Variants in GRIP1 observed in about 807,000 individuals in gnomAD.
GRIP1 encodes glutamate receptor interacting protein 1, also known as glutamate receptor-interacting protein 1.
GRIP1 carries 45 observed loss-of-function variants against 129.9 expected under a neutral mutation model. That is an observed-to-expected ratio of 0.35 (90% CI 0.27 to 0.44). The LOEUF (loss-of-function observed/expected upper bound fraction) is 0.44, where lower values mean the gene tolerates loss of function less well. Among genes scored for constraint, GRIP1 ranks in the 20% least tolerant of loss-of-function variants. The probability of loss-of-function intolerance (pLI) is 1.00; values close to 1 mark genes in which losing one functional copy is unlikely to be tolerated. For synonymous variants in GRIP1, 530 were observed against 520.8 expected, an observed-to-expected ratio of 1.02 and a Z score of -0.24; for missense variants, 1,196 against 1,396.8, an observed-to-expected ratio of 0.86 and a Z score of 2.29.
intron 1 of GRIP1, among the ~76,000 whole-genome samples, chr12:66,661,688 T>C (rs1467835625): frequency 6.6e-6 from 1 of 152,134 alleles, no homozygotes; most frequent in East Asian, 1.9e-4. Context: ...TCATACATTT[T>C]CGTTTTCTCA....
chr12:66,508,989 T>C (rs189373921), intron 7 of GRIP1, among the ~76,000 whole-genome samples: 50 of 152,354 alleles, frequency 3.3e-4, no homozygotes, highest in African/African-American at 1.1e-3. Context: ...AGAATGATGT[T>C]CTTGAGATAA....
intron 1 of GRIP1, among the ~76,000 whole-genome samples, chr12:66,903,272 G>C (rs1180418133): frequency 6.6e-6 from 1 of 150,562 alleles, no homozygotes; most frequent in East Asian, 1.9e-4. Context: ...AGTACTTTAT[G>C]GCAGAGTGTA....
At position 66,640,176 on chromosome 12, in the gene GRIP1, C is replaced by G. The variant is rs184082394; in HGVS notation, c.55+38674G>C. 1.2e-4 allele frequency among the ~76,000 whole-genome samples: 18 copies of G among 152,254 alleles called. No homozygotes were observed. The South Asian group carries it at 1.5e-3, about 12-fold the overall frequency. ...ACTTCCATCTCAGCTCTTTCTACAC[C>G]GTAGTATAATTGTTGCTGTTATGCT... On this transcript the variant is annotated intron_variant, in intron 1 of 24. Coordinates refer to ENST00000359742, the MANE Select transcript of GRIP1 (RefSeq NM_001366722.1).
chr12:66,441,430 A>G lies in GRIP1; in HGVS notation c.1687+3154T>C, dbSNP rs184091414. Among the ~76,000 whole-genome samples the G allele has an allele frequency of 5.0e-3, 760 of 151,994 alleles. 5 individuals are homozygous for G. The highest frequency in any genetic ancestry group is 0.017 in the Middle Eastern group (5 of 294). On this transcript the variant is annotated intron_variant, in intron 13 of 24. Transcript: ENST00000359742. The stretch of plus-strand genomic sequence containing the variant: ...GGTCTCCTTTTTTCCTGTGACTTTA[A>G]CCATCACTGCCATGTTGGTTATTCC...
chr12:66,565,841 G>A lies in GRIP1; in HGVS notation c.137-23891C>T, dbSNP rs540006501. ...AGTTCTCCTTGAAGAGGTCCTTCAT[G>A]TCCCTTGTAAGTGGGATTCCTAGGT... On this transcript the variant is annotated intron_variant, in intron 2 of 24. Coordinates refer to ENST00000359742, the MANE Select transcript of GRIP1 (RefSeq NM_001366722.1). Among the ~76,000 whole-genome samples, 90 of 152,118 alleles carry A rather than the reference G, an allele frequency of 5.9e-4. 1 individual carries two copies. In the South Asian group the frequency reaches 0.018, roughly 31 times the overall value.
intron 1 of GRIP1, among the ~76,000 whole-genome samples, chr12:66,611,046 C>T (rs912839396): frequency 2.0e-5 from 3 of 152,012 alleles, no homozygotes; most frequent in African/African-American, 7.2e-5. Context: ...TGACATTTAT[C>T]GTGATAGAAT....
At chr12:66,989,756 T>G (rs1345005276) in intron 1 of GRIP1, among the ~76,000 whole-genome samples, 1 of 152,218 alleles carries the variant, frequency 6.6e-6, no homozygotes, top group Non-Finnish European at 1.5e-5. Flanking sequence ...TTAACTTGTT[T>G]ATAGGAAATG....
intron 1 of GRIP1, among the ~76,000 whole-genome samples, chr12:66,941,404 T>C (rs1450244308): frequency 6.6e-6 from 1 of 152,228 alleles, no homozygotes; most frequent in Non-Finnish European, 1.5e-5. Context: ...TGTTTAACAG[T>C]TCCAATGACT....
chr12:66,505,534 T>C (rs2060503778), intron 7 of GRIP1, among the ~76,000 whole-genome samples: 1 of 152,158 alleles, frequency 6.6e-6, no homozygotes, highest in South Asian at 2.1e-4. Context: ...CTTATAAAAC[T>C]GTAAATCACT....
chr12:66,526,067 C>T (rs1040558653), intron 5 of GRIP1, among the ~76,000 whole-genome samples: 2 of 152,006 alleles, frequency 1.3e-5, no homozygotes, highest in Admixed American at 6.6e-5. Context: ...CCATACTCAT[C>T]GATAGGAAGA....
At chr12:66,602,640 T>C (rs1235305458) in intron 1 of GRIP1, among the ~76,000 whole-genome samples, 1 of 152,124 alleles carries the variant, frequency 6.6e-6, no homozygotes, top group Non-Finnish European at 1.5e-5. Context: ...CTGAGCTTGA[T>C]GGCAAGAAGC....
intron 1 of GRIP1, among the ~76,000 whole-genome samples, chr12:66,764,789 CTT>C (rs1240684291): frequency 6.6e-6 from 1 of 152,160 alleles, no homozygotes; most frequent in East Asian, 1.9e-4. Context: ...CCCCCTATCT[CTT>C]GTCTGTTTTG....
chr12:66,484,546 G>A (rs549840470), intron 7 of GRIP1, among the ~76,000 whole-genome samples: 2 of 152,322 alleles, frequency 1.3e-5, no homozygotes, highest in South Asian at 4.2e-4. Flanking sequence ...GGGTCTGGAT[G>A]ACACTATGTT....
chr12:66,584,321 T>A (rs2139649921), intron 2 of GRIP1, among the ~76,000 whole-genome samples: 1 of 151,992 alleles, frequency 6.6e-6, no homozygotes, highest in East Asian at 1.9e-4. Flanking sequence ...GACGAGTTAG[T>A]GGGTGCAGCG....
chr12:66,683,885 G>T (rs2034680599), upstream of GRIP1, among the ~76,000 whole-genome samples: 1 of 152,196 alleles, frequency 6.6e-6, no homozygotes, highest in South Asian at 2.1e-4. Context: ...CCTCCTAAGA[G>T]CCTAGGTATG....
intron 1 of GRIP1, among the ~76,000 whole-genome samples, chr12:66,721,207 G>A (rs1214065832): frequency 6.6e-6 from 1 of 152,128 alleles, no homozygotes; most frequent in Non-Finnish European, 1.5e-5. Flanking sequence ...TTTCTGAGCA[G>A]ATCTCGACAA....
chr12:66,580,864 A>G (rs2063348472), intron 2 of GRIP1, among the ~76,000 whole-genome samples: 2 of 151,924 alleles, frequency 1.3e-5, no homozygotes, highest in Non-Finnish European at 1.5e-5. Context: ...CAGAAAGTCA[A>G]CAAGGATACC....
chr12:66,547,837 A>G (rs2061993856), intron 2 of GRIP1, among the ~76,000 whole-genome samples: 1 of 152,194 alleles, frequency 6.6e-6, no homozygotes, highest in African/African-American at 2.4e-5. Context: ...TATGTTCTGT[A>G]TCTTGACTCC....
intron 1 of GRIP1, among the ~76,000 whole-genome samples, chr12:66,786,482 G>A (rs2038349947): frequency 2.0e-5 from 3 of 152,146 alleles, no homozygotes; most frequent in Admixed American, 2.0e-4. Context: ...AGACTAGTTA[G>A]GCTGTTGCTT....
Sources: gnomAD v4.1 joint callset for allele counts (sites outside exome capture counted in the v4.1 genomes callset) on GRCh38, gnomAD v4.1.1 for gene constraint, MANE v1.5 for transcripts, NCBI Gene and HGNC (gene_info 2026-07-23, HGNC 2026-07-21) for gene names.